Variants in AGAP5 observed in about 807,000 individuals in gnomAD.
The protein encoded by AGAP5 is arf-GAP with GTPase, ANK repeat and PH domain-containing protein 5.
In AGAP5, 8 loss-of-function variants were observed where a neutral mutation model predicts 27.7. That is an observed-to-expected ratio of 0.29 (90% confidence interval 0.17 to 0.52). The LOEUF is 0.52. Ranked by LOEUF, AGAP5 falls within the 20% of genes least tolerant of loss-of-function variation. The pLI, the probability that AGAP5 is intolerant of heterozygous loss-of-function variation, is 0.97. For missense variants in AGAP5, 285 were observed against 880.8 expected (o/e 0.32, Z 8.56); for synonymous variants, 111 against 338.0 (o/e 0.33, Z 7.37).
chr10:73,694,372 A>G (rs1233091727), intron 3 of AGAP5, among the ~76,000 whole-genome samples: 3 of 152,194 alleles, frequency 2.0e-5, no homozygotes, highest in Non-Finnish European at 4.4e-5. Context: ...CCTAAGTTCT[A>G]TCATTCATCT....
chr10:73,677,587 T>A (rs1464462305), intron 6 of AGAP5, among the ~76,000 whole-genome samples: 1 of 151,002 alleles, frequency 6.6e-6, no homozygotes, highest in Non-Finnish European at 1.5e-5. Context: ...GGTTTCACCA[T>A]GTTGGCCAGG....
At chr10:73,697,471 A>C in intron 1 of AGAP5, 62 bp downstream of exon 1, 1 of 1,604,054 alleles carries the variant, frequency 6.2e-7, no homozygotes, top group Non-Finnish European at 8.5e-7. Context: ...CGTAAAGGGA[A>C]CCTTGGGGAC....
chr10:73,674,759 T>C lies in AGAP5; in HGVS notation c.1901A>G (p.Lys634Arg), dbSNP rs776374991. The C allele has an allele frequency of 6.2e-7, 1 of 1,612,078 alleles. No individual in the cohort carries two copies. The highest frequency in any genetic ancestry group is 1.7e-5 in the Admixed American group (1 of 60,012). ...GAGCTGTGCCAGGACCACATTCCCCTTGCGGCAGGCCAGATGGAGCGCCGT... is the reference window on the plus strand; with the variant it reads ...GAGCTGTGCCAGGACCACATTCCCCCTGCGGCAGGCCAGATGGAGCGCCGT... ...GCTALHLACR[K>R]GNVVLAQLLI... is the part of the protein sequence containing the mutation. Residue 634 changes from lysine to arginine, a missense_variant, in exon 8 of 8, where the codon AAG (lysine) becomes AGG (arginine). Coordinates refer to ENST00000374094, the MANE Select transcript of AGAP5 (RefSeq NM_001144000.4).
intron 2 of AGAP5, among the ~76,000 whole-genome samples, chr10:73,696,298 G>A (rs1358397254): frequency 1.1e-4 from 17 of 152,096 alleles, no homozygotes; most frequent in African/African-American, 3.9e-4. Context: ...GATTACAGGC[G>A]TGAGCCACCA....
At chr10:73,676,344 G>C (rs1387045915) in intron 7 of AGAP5, among the ~76,000 whole-genome samples, 3 of 139,632 alleles carry the variant, frequency 2.1e-5, no homozygotes, top group Admixed American at 7.1e-5. Flanking sequence ...GCTGGGCATG[G>C]TGTCACATGC....
intron 2 of AGAP5, among the ~76,000 whole-genome samples, chr10:73,696,592 A>C (rs1338541312): frequency 6.6e-6 from 1 of 152,232 alleles, no homozygotes; most frequent in Non-Finnish European, 1.5e-5. Flanking sequence ...TAAAGTAAGA[A>C]TTTTAAAGTA....
chr10:73,696,793 C>G (rs2082165470), intron 2 of AGAP5, among the ~76,000 whole-genome samples: 1 of 152,134 alleles, frequency 6.6e-6, no homozygotes, highest in African/African-American at 2.4e-5. Context: ...TTAAAGCAGC[C>G]CATTAAGAAT....
At chr10:73,678,863 T>C (rs2132441664) in intron 6 of AGAP5, among the ~76,000 whole-genome samples, 1 of 151,544 alleles carries the variant, frequency 6.6e-6, no homozygotes. Context: ...CTTCTTTTTC[T>C]CTTTTTTTGA....
chr10:73,693,739 CCT>C, intron 3 of AGAP5, among the ~76,000 whole-genome samples: 1 of 151,776 alleles, frequency 6.6e-6, no homozygotes, highest in African/African-American at 2.4e-5. Flanking sequence ...TCCCCCTTCC[CCT>C]CTCTCCTCCC....
intron 1 of AGAP5, 70 bp downstream of exon 1, chr10:73,697,463 T>C: frequency 6.2e-7 from 1 of 1,602,136 alleles, no homozygotes; most frequent in Non-Finnish European, 8.5e-7. Flanking sequence ...GGGGATGCCG[T>C]AAAGGGAACC....
In AGAP5 at chr10:73,674,663, T is replaced by G. The variant is rs2081960420; in HGVS notation, c.1997A>C (p.Gln666Pro). The G allele has an allele frequency of 6.2e-7, 1 of 1,611,932 alleles. No individual in the cohort carries two copies. The highest frequency in any genetic ancestry group is 8.5e-7 in the Non-Finnish European group (1 of 1,179,850). ...GTTGATGCACTCCTGGCTGGAGGCC[T>G]GCCGGGCGTAGGTCAGCGCTGTGTT... ...HGNTALTYAR[Q>P]ASSQECINVL... Residue 666 changes from glutamine (Q) to proline (P), a missense_variant, in exon 8 of 8, where the codon CAG becomes CCG. Coordinates refer to ENST00000374094, the MANE Select transcript of AGAP5 (RefSeq NM_001144000.4).
chr10:73,695,901 T>C (rs901751320), intron 2 of AGAP5, among the ~76,000 whole-genome samples: 3 of 152,224 alleles, frequency 2.0e-5, no homozygotes, highest in African/African-American at 4.8e-5. Flanking sequence ...TTACTTAGAT[T>C]CATCTCTTTG....
intron 4 of AGAP5, among the ~76,000 whole-genome samples, chr10:73,687,642 ACATT>A (rs1466681222): frequency 2.0e-5 from 3 of 152,232 alleles, no homozygotes; most frequent in African/African-American, 7.2e-5. Context: ...TATTATACAT[ACATT>A]AATTTAAAAA....
chr10:73,693,132 C>G (rs2082132950), intron 3 of AGAP5, among the ~76,000 whole-genome samples: 1 of 152,168 alleles, frequency 6.6e-6, no homozygotes, highest in African/African-American at 2.4e-5. Flanking sequence ...AAAGTTCCTA[C>G]CACTGAAGAG....
At chr10:73,686,087 G>C (rs1265188921) in intron 4 of AGAP5, among the ~76,000 whole-genome samples, 1 of 152,104 alleles carries the variant, frequency 6.6e-6, no homozygotes, top group East Asian at 1.9e-4. Context: ...AACAAGAACT[G>C]GCATAGCCAA....
At chr10:73,687,070 AC>A (rs2082070784) in intron 4 of AGAP5, among the ~76,000 whole-genome samples, 1 of 152,038 alleles carries the variant, frequency 6.6e-6, no homozygotes, top group Non-Finnish European at 1.5e-5. Flanking sequence ...ACAAATCATC[AC>A]TAAAGAACTT....
intron 7 of AGAP5, among the ~76,000 whole-genome samples, chr10:73,676,304 A>G (rs1221387931): frequency 5.0e-5 from 7 of 139,936 alleles, no homozygotes; most frequent in South Asian, 4.5e-4. Flanking sequence ...AAAAAAAAAA[A>G]AAAAGAAAAG....
chr10:73,679,428 C>G (rs1231401834), intron 6 of AGAP5, among the ~76,000 whole-genome samples: 1 of 152,064 alleles, frequency 6.6e-6, no homozygotes, highest in African/African-American at 2.4e-5. Context: ...TCCCAAAGTG[C>G]TGGGATTACA....
At chr10:73,687,109 C>T (rs2082071122) in intron 4 of AGAP5, among the ~76,000 whole-genome samples, 2 of 151,920 alleles carry the variant, frequency 1.3e-5, no homozygotes, top group South Asian at 2.1e-4. Flanking sequence ...CCACCTGTTC[C>T]CCCAGAAACC....
Sources: gnomAD v4.1 joint callset for allele counts (sites outside exome capture counted in the v4.1 genomes callset) on GRCh38, gnomAD v4.1.1 for gene constraint, MANE v1.5 for transcripts, NCBI Gene and HGNC (gene_info 2026-07-23, HGNC 2026-07-21) for gene names.